Variants in PCDHGA2 observed in about 807,000 individuals in gnomAD.
The protein encoded by PCDHGA2 is protocadherin gamma subfamily A, 2.
A neutral mutation model predicts 59.2 loss-of-function variants in PCDHGA2; 40 were observed. That is an observed-to-expected ratio of 0.68 (90% CI 0.52 to 0.88). PCDHGA2 has a LOEUF of 0.88. Among genes scored for constraint, PCDHGA2 ranks in the 40% least tolerant of loss-of-function variants. The probability of loss-of-function intolerance (pLI) is 0.00; values close to 1 mark genes in which losing one functional copy is unlikely to be tolerated. For missense variants in PCDHGA2, 1,226 were observed against 1,204.0 expected, an observed-to-expected ratio of 1.02 and a Z score of -0.27; for synonymous variants, 560 against 526.0, an observed-to-expected ratio of 1.06 and a Z score of -0.89.
At chr5:141,392,791 G>C in intron 1 of PCDHGA2, 6 of 1,557,838 alleles carry the variant, frequency 3.9e-6, no homozygotes, top group Admixed American at 2.0e-5. Context: ...AAGATTCTGA[G>C]AGGATTCTGC....
intron 1 of PCDHGA2, chr5:141,416,685 A>T (rs1292141199): frequency 1.3e-5 from 2 of 152,384 alleles, no homozygotes; most frequent in East Asian, 3.9e-4. Flanking sequence ...AAGGGAAATT[A>T]TATAAACAAA....
chr5:141,491,938 C>A lies in PCDHGA2; in HGVS notation c.2425-2869C>A, dbSNP rs1207647899. Reference sequence around the variant, plus strand: ...TGTGGGCGAGGGGAGGTGGGACCGACCCCCACCCCTACACTCAAAAAAGGC... The same window carrying A: ...TGTGGGCGAGGGGAGGTGGGACCGAACCCCACCCCTACACTCAAAAAAGGC... On this transcript the variant is annotated intron_variant, in intron 1 of 3. Transcript: ENST00000394576. This position sits in a 1 kb window ranked among gnomAD's most constrained non-coding sequence, Gnocchi z 6.9. 1.7e-6 allele frequency: 2 copies of A among 1,199,072 alleles called. No homozygotes were observed. The highest frequency in any genetic ancestry group is 3.1e-5 in the Admixed American group (1 of 32,246). The allele number at this position is 1,199,072 out of a possible 1,614,324, so 74.3% of individuals were successfully genotyped here. A position where few individuals can be genotyped will look rare whatever the true frequency, so the allele number is the denominator to read the frequency against.
Position 141,485,172 on chromosome 5 carries a change from C to A in PCDHGA2, c.2425-9635C>A. ...CAAGTAGAGAATTAGCGGGCGGCAG[C>A]AATGCTCCGCAAGGTGAGAAGCTGG... On this transcript the variant is annotated intron_variant, in intron 1 of 3. Transcript: ENST00000394576. The surrounding 1 kb of genome is among the most constrained non-coding windows in gnomAD (Gnocchi z 5.7). 6.2e-7 allele frequency: 1 copy of A among 1,610,164 alleles called. No individual in the cohort carries two copies. The highest frequency in any genetic ancestry group is 8.5e-7 in the Non-Finnish European group (1 of 1,176,940).
intron 1 of PCDHGA2, chr5:141,423,131 A>G (rs370773437): frequency 1.9e-6 from 3 of 1,613,538 alleles, no homozygotes; most frequent in Admixed American, 1.7e-5. Context: ...GCACTGCTGG[A>G]CAGAGACGCG....
chr5:141,417,599 C>G (rs1036283292), intron 1 of PCDHGA2: 4 of 500,492 alleles, frequency 8.0e-6, no homozygotes, highest in African/African-American at 7.8e-5. Flanking sequence ...CTCTGGGCGC[C>G]GCCGTCGGCC....
intron 1 of PCDHGA2, chr5:141,360,604 G>C (rs762984696): frequency 6.2e-7 from 1 of 1,613,982 alleles, no homozygotes; most frequent in Non-Finnish European, 8.5e-7. Context: ...ACTTGACCCA[G>C]CCCTGGATTC....
chr5:141,408,609 AG>A, intron 1 of PCDHGA2: 3 of 1,614,088 alleles, frequency 1.9e-6, no homozygotes, highest in Non-Finnish European at 1.7e-6. Context: ...TTTGATAAAA[AG>A]GAAATACATT....
chr5:141,462,512 A>C (rs1169461013), intron 1 of PCDHGA2, among the ~76,000 whole-genome samples: 1 of 152,106 alleles, frequency 6.6e-6, no homozygotes, highest in Non-Finnish European at 1.5e-5. Flanking sequence ...AACTAGATCA[A>C]GTTAGTAAGA....
rs773840884 is a variant in PCDHGA2 at position 141,372,185 on chromosome 5, C to G, written c.2424+30790C>G. 1.9e-6 allele frequency: 3 copies of G among 1,613,630 alleles called. No homozygotes were observed. The South Asian group carries it at 3.3e-5, about 18-fold the overall frequency. On this transcript the variant is annotated intron_variant, in intron 1 of 3. Coordinates refer to ENST00000394576, the MANE Select transcript of PCDHGA2 (RefSeq NM_018915.4). ...CCAAGGTGGTGGCGGTGGACGCAGA[C>G]TCGGGATACAACGCCTGGCTGTCCT...
At chr5:141,361,800 C>A in intron 1 of PCDHGA2, 1 of 1,613,196 alleles carries the variant, frequency 6.2e-7, no homozygotes, top group Non-Finnish European at 8.5e-7. Flanking sequence ...TGGGCGACCT[C>A]AATGACAATG....
At chr5:141,418,418 G>C (rs1366605966) in intron 1 of PCDHGA2, 1 of 1,613,998 alleles carries the variant, frequency 6.2e-7, no homozygotes, top group East Asian at 2.2e-5. Flanking sequence ...AGACAATCCT[G>C]ATGGTGGCAA....
At chr5:141,428,034 T>A (rs768728101) in intron 1 of PCDHGA2, 8 of 1,607,778 alleles carry the variant, frequency 5.0e-6, no homozygotes, top group Middle Eastern at 1.7e-4. Context: ...AGAGTCCGGC[T>A]ACCTGGTGAC....
chr5:141,348,715 C>G (rs906991034), intron 1 of PCDHGA2, among the ~76,000 whole-genome samples: 1 of 151,984 alleles, frequency 6.6e-6, no homozygotes, highest in Non-Finnish European at 1.5e-5. Flanking sequence ...TCCACTACAA[C>G]AGAAAGGGAG....
intron 1 of PCDHGA2, chr5:141,418,604 G>C: frequency 6.2e-7 from 1 of 1,614,040 alleles, no homozygotes; most frequent in African/African-American, 1.3e-5. Context: ...CGTGTACAGG[G>C]TTAGCCTTCG....
At chr5:141,363,869 A>G (rs1763089883) in intron 1 of PCDHGA2, among the ~76,000 whole-genome samples, 2 of 152,238 alleles carry the variant, frequency 1.3e-5, no homozygotes. Context: ...GATAAGAGGT[A>G]AATAAAGGAC....
At chr5:141,357,615 T>C (rs372588190) in intron 1 of PCDHGA2, 222 of 1,613,730 alleles carry the variant, frequency 1.4e-4, no homozygotes, top group Admixed American at 5.5e-4. Flanking sequence ...GAGACCCTAA[T>C]CTTCAGGTGA....
intron 1 of PCDHGA2, among the ~76,000 whole-genome samples, chr5:141,462,459 CTG>C (rs2099040203): frequency 6.6e-6 from 1 of 152,010 alleles, no homozygotes; most frequent in African/African-American, 2.4e-5. Flanking sequence ...TAACTGAAAA[CTG>C]TGTATTCTGC....
At chr5:141,410,049 T>A in intron 1 of PCDHGA2, 1 of 1,613,184 alleles carries the variant, frequency 6.2e-7, no homozygotes, top group Admixed American at 1.7e-5. Flanking sequence ...GAGCCCGGAC[T>A]CTTCAGCCTG....
At chr5:141,383,001 C>T (rs766067848) in intron 1 of PCDHGA2, 1 of 1,613,756 alleles carries the variant, frequency 6.2e-7, no homozygotes, top group South Asian at 1.1e-5. Flanking sequence ...TTCTCTACTC[C>T]GTGTCGGAGG....
Sources: gnomAD v4.1 joint callset for allele counts (sites outside exome capture counted in the v4.1 genomes callset) on GRCh38, gnomAD v4.1.1 for gene constraint, Gnocchi (gnomAD v3.1) non-coding constraint, MANE v1.5 for transcripts, NCBI Gene and HGNC (gene_info 2026-07-23, HGNC 2026-07-21) for gene names.